The following WWOX variants were observed in gnomAD, a reference collection of about 807,000 sequenced individuals.
WWOX encodes WW domain-containing oxidoreductase.
In WWOX, 69 loss-of-function variants were observed where a neutral mutation model predicts 46.2. The observed-to-expected ratio is 1.49, with a 90% confidence interval of 1.23 to 1.82. WWOX has a LOEUF of 1.82. WWOX is among the 40% of genes most tolerant of loss of function. The pLI, the probability that WWOX is intolerant of heterozygous loss-of-function variation, is 0.00. For synonymous variants in WWOX, 359 were observed against 202.6 expected, an observed-to-expected ratio of 1.77 and a Z score of -6.56; for missense variants, 919 against 542.6, an observed-to-expected ratio of 1.69 and a Z score of -6.89.
intron 8 of WWOX, among the ~76,000 whole-genome samples, chr16:78,557,669 G>C (rs1024821452): frequency 7.0e-5 from 10 of 143,378 alleles, no homozygotes; most frequent in African/African-American, 2.2e-4. Context: ...CGACACATAA[G>C]TGCATTCCTC....
At chr16:79,156,713 A>T (rs939355715) in intron 8 of WWOX, among the ~76,000 whole-genome samples, 2 of 151,748 alleles carry the variant, frequency 1.3e-5, no homozygotes, top group Admixed American at 1.3e-4. Flanking sequence ...CAGGATTTCA[A>T]ATTTAAGAGG....
At chr16:78,462,072 C>G (rs2083964699) in intron 8 of WWOX, among the ~76,000 whole-genome samples, 1 of 152,150 alleles carries the variant, frequency 6.6e-6, no homozygotes, top group Admixed American at 6.6e-5. Flanking sequence ...AACTTTTGAC[C>G]AGGGTCTAGC....
At chr16:78,467,064 G>A (rs896522571) in intron 8 of WWOX, among the ~76,000 whole-genome samples, 8 of 152,108 alleles carry the variant, frequency 5.3e-5, no homozygotes, top group African/African-American at 1.9e-4. Context: ...TTAGTTATGT[G>A]TTTGCCTGTG....
intron 8 of WWOX, chr16:78,897,549 C>T (rs191976601): frequency 6.6e-6 from 1 of 152,066 alleles, no homozygotes. Context: ...TGAAAATACA[C>T]CACAATTCGC....
At chr16:78,910,426 T>C (rs901284444) in intron 8 of WWOX, among the ~76,000 whole-genome samples, 4 of 152,004 alleles carry the variant, frequency 2.6e-5, no homozygotes, top group Non-Finnish European at 5.9e-5. Flanking sequence ...TGGGGGTTGT[T>C]CCTCACTGCA....
intron 6 of WWOX, among the ~76,000 whole-genome samples, chr16:78,416,155 T>G (rs10438628): frequency 6.6e-6 from 1 of 152,154 alleles, no homozygotes; most frequent in African/African-American, 2.4e-5. Flanking sequence ...AACATCAGTT[T>G]TTGGAAGGAT....
chr16:78,922,502 C>A (rs906186699), intron 8 of WWOX, among the ~76,000 whole-genome samples: 4 of 151,794 alleles, frequency 2.6e-5, no homozygotes, highest in African/African-American at 9.7e-5. Context: ...CCTCAGCCTC[C>A]TGAGTCACTG....
chr16:79,083,279 C>G (rs2048794433), intron 8 of WWOX, among the ~76,000 whole-genome samples: 1 of 152,116 alleles, frequency 6.6e-6, no homozygotes. Context: ...AGTGACACTT[C>G]CAGATGGAAA....
intron 8 of WWOX, among the ~76,000 whole-genome samples, chr16:78,712,135 T>C (rs528311273): frequency 6.6e-6 from 1 of 152,304 alleles, no homozygotes; most frequent in African/African-American, 2.4e-5. Flanking sequence ...CTCTGACCAA[T>C]AAGCCAATGT....
chr16:78,390,349 C>T (rs1190198301), intron 6 of WWOX, among the ~76,000 whole-genome samples: 3 of 152,212 alleles, frequency 2.0e-5, no homozygotes, highest in Non-Finnish European at 2.9e-5. Flanking sequence ...TCATCAAGTT[C>T]AAGTGCCTTT....
chr16:78,932,743 G>A (rs1420974559), intron 8 of WWOX, among the ~76,000 whole-genome samples: 3 of 152,196 alleles, frequency 2.0e-5, no homozygotes, highest in African/African-American at 7.2e-5. Context: ...TCAGGGCCTG[G>A]GAAGTGGTAG....
At chr16:79,112,940 C>T (rs62038836) in intron 8 of WWOX, among the ~76,000 whole-genome samples, 1 of 152,186 alleles carries the variant, frequency 6.6e-6, no homozygotes, top group Admixed American at 6.5e-5. Flanking sequence ...CACTTTTGCT[C>T]TCTGCTGGCA....
At chr16:78,288,403 A>G (rs1427223620) in intron 5 of WWOX, among the ~76,000 whole-genome samples, 3 of 151,860 alleles carry the variant, frequency 2.0e-5, no homozygotes. Flanking sequence ...TATTCCTAGT[A>G]ATTTGATCTA....
intron 8 of WWOX, among the ~76,000 whole-genome samples, chr16:78,667,615 G>A (rs2047361592): frequency 7.0e-6 from 1 of 141,970 alleles, no homozygotes; most frequent in African/African-American, 2.7e-5. Flanking sequence ...AGGTAGCAGT[G>A]AGCCAAGATC....
chr16:79,032,081 A>G (rs964853716), intron 8 of WWOX, among the ~76,000 whole-genome samples: 1 of 144,636 alleles, frequency 6.9e-6, no homozygotes, highest in Admixed American at 7.1e-5. Context: ...ATATATATAT[A>G]AAATATATAT....
intron 8 of WWOX, among the ~76,000 whole-genome samples, chr16:78,901,148 G>T (rs777320554): frequency 1.3e-5 from 2 of 152,110 alleles, no homozygotes; most frequent in Non-Finnish European, 2.9e-5. Flanking sequence ...CATTTTCATA[G>T]GGCAAAATGC....
At chr16:78,685,647 A>G (rs926616167) in intron 8 of WWOX, among the ~76,000 whole-genome samples, 11 of 152,244 alleles carry the variant, frequency 7.2e-5, no homozygotes. Flanking sequence ...GTGTGGTGCT[A>G]AATGCAAAGG....
At chr16:78,425,159 G>C in intron 7 of WWOX, 104 bp downstream of exon 7, 1 of 1,486,878 alleles carries the variant, frequency 6.7e-7, no homozygotes, top group Non-Finnish European at 9.3e-7. Context: ...TCCTGCTTGA[G>C]ACATGTGGGT....
At chr16:78,617,402 C>CAA (rs33977792) in intron 8 of WWOX, among the ~76,000 whole-genome samples, 1 of 134,302 alleles carries the variant, frequency 7.4e-6, no homozygotes. Flanking sequence ...ACCTTGTATC[C>CAA]AAAAAAAAAA....
Sources: gnomAD v4.1 joint callset for allele counts (sites outside exome capture counted in the v4.1 genomes callset) on GRCh38, gnomAD v4.1.1 for gene constraint, MANE v1.5 for transcripts, NCBI Gene and HGNC (gene_info 2026-07-23, HGNC 2026-07-21) for gene names.